Variants in CACNA2D3 observed in about 807,000 individuals in gnomAD.
CACNA2D3 encodes calcium voltage-gated channel auxiliary subunit alpha2delta 3, also known as voltage-dependent calcium channel subunit alpha-2/delta-3.
CACNA2D3 carries 60 observed loss-of-function variants against 160.6 expected under a neutral mutation model. That is an observed-to-expected ratio of 0.37 (90% CI 0.30 to 0.46). The LOEUF is 0.46. Ranked by LOEUF, CACNA2D3 falls within the 20% of genes least tolerant of loss-of-function variation. CACNA2D3 has a pLI of 1.00. For synonymous variants in CACNA2D3, 558 were observed against 492.9 expected, an observed-to-expected ratio of 1.13 and a Z score of -1.75; for missense variants, 1,205 against 1,365.0, an observed-to-expected ratio of 0.88 and a Z score of 1.85.
At chr3:54,869,504 TTGAAG>T (rs1699476889) in intron 17 of CACNA2D3, among the ~76,000 whole-genome samples, 1 of 152,184 alleles carries the variant, frequency 6.6e-6, no homozygotes, top group Non-Finnish European at 1.5e-5. Context: ...AAGAAGCACT[TTGAAG>T]TGACCAAAGA....
chr3:54,283,853 A>G (rs948180219), intron 2 of CACNA2D3, among the ~76,000 whole-genome samples: 1 of 152,168 alleles, frequency 6.6e-6, no homozygotes, highest in Non-Finnish European at 1.5e-5. Context: ...ACTTGAGGTC[A>G]GGAGCTCGAG....
At chr3:54,473,287 A>G (rs1430450575) in intron 4 of CACNA2D3, among the ~76,000 whole-genome samples, 1 of 152,204 alleles carries the variant, frequency 6.6e-6, no homozygotes, top group East Asian at 1.9e-4. Context: ...TGGGGAAAGG[A>G]TTCCCTATTT....
chr3:55,049,826 C>T lies in CACNA2D3; in HGVS notation c.2988-23619C>T, dbSNP rs897109017. 2.4e-3 allele frequency among the ~76,000 whole-genome samples: 357 copies of T among 150,546 alleles called. 1 individual carries two copies. The highest frequency in any genetic ancestry group is 4.1e-3 in the Non-Finnish European group (280 of 67,606). On this transcript the variant is annotated intron_variant, in intron 35 of 37. Transcript: ENST00000474759. ...TATATATTTAGGATAGTTAGCTCTTCTTGTTGAATTGATCCCTTTACCATT... is the reference window on the plus strand; with the variant it reads ...TATATATTTAGGATAGTTAGCTCTTTTTGTTGAATTGATCCCTTTACCATT...
At chr3:54,644,388 T>C (rs1699590717) in intron 11 of CACNA2D3, among the ~76,000 whole-genome samples, 1 of 152,188 alleles carries the variant, frequency 6.6e-6, no homozygotes, top group African/African-American at 2.4e-5. Flanking sequence ...TCTGCCCTAT[T>C]CTGGAGAGTT....
chr3:54,837,297 C>A, intron 15 of CACNA2D3, 67 bp downstream of exon 15: 1 of 1,247,072 alleles, frequency 8.0e-7, no homozygotes, highest in Non-Finnish European at 1.2e-6. Context: ...CCCTCTGACT[C>A]CAGCTCTGGT....
At chr3:54,427,831 G>A (rs1699930983) in intron 4 of CACNA2D3, among the ~76,000 whole-genome samples, 1 of 152,206 alleles carries the variant, frequency 6.6e-6, no homozygotes, top group South Asian at 2.1e-4. Flanking sequence ...CAGAAATCCA[G>A]CTGCCTACAA....
chr3:54,215,310 CA>C (rs1171518075), intron 2 of CACNA2D3, among the ~76,000 whole-genome samples: 2 of 152,234 alleles, frequency 1.3e-5, no homozygotes, highest in Admixed American at 1.3e-4. Context: ...ACATCTCCAT[CA>C]CCTCACATAC....
chr3:54,156,208 G>A (rs2107289844), intron 2 of CACNA2D3, among the ~76,000 whole-genome samples: 1 of 152,256 alleles, frequency 6.6e-6, no homozygotes, highest in South Asian at 2.1e-4. Flanking sequence ...GCAGGGGAGC[G>A]GGGAAATGAG....
intron 27 of CACNA2D3, among the ~76,000 whole-genome samples, chr3:54,910,401 C>T (rs1700530911): frequency 6.6e-6 from 1 of 152,192 alleles, no homozygotes; most frequent in Non-Finnish European, 1.5e-5. Context: ...CTGGAACCCA[C>T]TCCACAATGA....
chr3:55,022,927 T>A (rs1703490838), intron 35 of CACNA2D3, among the ~76,000 whole-genome samples: 1 of 152,100 alleles, frequency 6.6e-6, no homozygotes, highest in East Asian at 1.9e-4. Flanking sequence ...TAACTATTAC[T>A]ATTGCTGCTG....
chr3:54,925,658 C>T (rs184069292), intron 27 of CACNA2D3, among the ~76,000 whole-genome samples: 1 of 152,324 alleles, frequency 6.6e-6, no homozygotes, highest in Admixed American at 6.5e-5. Flanking sequence ...ATACAACTTT[C>T]TGTGATGATA....
chr3:54,723,761 A>T (rs540805660), intron 11 of CACNA2D3, among the ~76,000 whole-genome samples: 2 of 152,282 alleles, frequency 1.3e-5, no homozygotes, highest in Admixed American at 6.5e-5. Flanking sequence ...CCTCAGTTGG[A>T]AATGCAGAAA....
rs1192728036 is a variant in CACNA2D3 at position 54,141,781 on chromosome 3, A to G, written c.204+18187A>G. 2.0e-5 allele frequency among the ~76,000 whole-genome samples: 3 copies of G among 152,226 alleles called. No individual in the cohort carries two copies. The East Asian group carries it at 5.8e-4, about 29-fold the overall frequency. On this transcript the variant is annotated intron_variant, in intron 2 of 37. Coordinates refer to ENST00000474759, the MANE Select transcript of CACNA2D3 (RefSeq NM_018398.3). ...AAATGTTACTGCCTTGGTCCCCAGC[A>G]GAAGCACAAGAAAACAACCTGAATT...
intron 2 of CACNA2D3, among the ~76,000 whole-genome samples, chr3:54,221,871 T>A (rs775583781): frequency 1.3e-5 from 2 of 152,118 alleles, no homozygotes; most frequent in Non-Finnish European, 2.9e-5. Flanking sequence ...TTTTTTGAGA[T>A]GAGGCATTCT....
In CACNA2D3 at chr3:54,752,681, G is replaced by A; in HGVS notation, c.1246+4G>A. ...TGGATGGCCTGTGCCAACAAAGGTG[G>A]GTCTTCGCATTGTGCTCGGCTCTGA... On this transcript the variant is annotated splice_donor_region_variant and intron_variant, in intron 12 of 37. Transcript: ENST00000474759. 3.1e-6 allele frequency: 5 copies of A among 1,609,608 alleles called. No individual in the cohort carries two copies. Among genetic ancestry groups the A allele is most frequent in the Non-Finnish European group, 4.2e-6 (5 of 1,177,146 alleles).
At chr3:54,910,618 GGT>G (rs1700536128) in intron 27 of CACNA2D3, among the ~76,000 whole-genome samples, 1 of 152,012 alleles carries the variant, frequency 6.6e-6, no homozygotes, top group Non-Finnish European at 1.5e-5. Flanking sequence ...AGGGCCCCAG[GGT>G]TCTCCACCTG....
At chr3:54,553,858 C>T (rs531749920) in intron 5 of CACNA2D3, among the ~76,000 whole-genome samples, 5 of 152,284 alleles carry the variant, frequency 3.3e-5, no homozygotes, top group Non-Finnish European at 2.9e-5. Flanking sequence ...AGGCCATGCT[C>T]GCTACAGATT....
At chr3:54,454,745 A>G (rs1379506971) in intron 4 of CACNA2D3, among the ~76,000 whole-genome samples, 1 of 152,070 alleles carries the variant, frequency 6.6e-6, no homozygotes, top group Non-Finnish European at 1.5e-5. Flanking sequence ...ACCTTTGGCT[A>G]TCCACCTCCC....
rs55896490 is a variant in CACNA2D3, at chr3:55,074,391, TATC to T, written c.*189_*191del. The T allele has an allele frequency of 0.13, 67,181 of 507,726 alleles. 4,691 individuals carry two copies. The highest frequency in any genetic ancestry group is 0.16 in the Non-Finnish European group (46,094 of 283,272). The allele number at this position is 507,726 out of a possible 1,614,324, so 31.5% of individuals were successfully genotyped here. A position where few individuals can be genotyped will look rare whatever the true frequency, so the allele number is the denominator to read the frequency against. Reference sequence around the variant, plus strand: ...AAAGATATGTTGACAAAAAGTTATCTATCATCTTTTTACTTTGCCAGTCATGCA... The same window carrying T: ...AAAGATATGTTGACAAAAAGTTATCTATCTTTTTACTTTGCCAGTCATGCA... On this transcript the variant is annotated 3_prime_UTR_variant, in exon 38 of 38. Transcript: ENST00000474759.
Sources: allele counts gnomAD v4.1 joint callset (sites outside exome capture counted in the v4.1 genomes callset), GRCh38; gene constraint gnomAD v4.1.1; transcripts MANE v1.5; gene names NCBI Gene and HGNC (gene_info 2026-07-23, HGNC 2026-07-21).